ZBTB5: variants seen among roughly 807,000 people sequenced by gnomAD.
ZBTB5 encodes zinc finger and BTB domain containing 5.
ZBTB5 carries 15 observed loss-of-function variants against 37.9 expected under a neutral mutation model. The ratio of observed to expected loss-of-function variants is 0.40; its 90% CI spans 0.26 to 0.61. ZBTB5 has a LOEUF of 0.61. ZBTB5 is among the 20% of genes least tolerant of loss of function. ZBTB5 has a pLI of 0.47. For synonymous variants in ZBTB5, 315 were observed against 312.4 expected, an observed-to-expected ratio of 1.01 and a Z score of -0.09; for missense variants, 708 against 856.8, an observed-to-expected ratio of 0.83 and a Z score of 2.17.
chr9:37,465,041 C>T (rs1411971484), intron 1 of ZBTB5, among the ~76,000 whole-genome samples, 174 bp downstream of exon 1: 1 of 152,178 alleles, frequency 6.6e-6, no homozygotes, highest in Non-Finnish European at 1.5e-5. Flanking sequence ...AAGAACCCGC[C>T]TGGCCCCTTG....
At chr9:37,460,231 A>C (rs1340640159) in intron 1 of ZBTB5, among the ~76,000 whole-genome samples, 1 of 150,278 alleles carries the variant, frequency 6.7e-6, no homozygotes, top group African/African-American at 2.5e-5. Context: ...TGAGGTCGGA[A>C]GTTCGAAACT....
Position 37,440,392 on chromosome 9 carries a change from A to G in ZBTB5, c.*126T>C, listed in dbSNP as rs1823840489. 1.4e-6 allele frequency: 1 copy of G among 703,000 alleles called. No individual in the cohort carries two copies. The highest frequency in any genetic ancestry group is 2.9e-5 in the Admixed American group (1 of 35,018). 43.5% of individuals were successfully genotyped at this position (703,000 alleles called of 1,614,324 possible). On this transcript the variant is annotated 3_prime_UTR_variant, in exon 2 of 2. Coordinates refer to ENST00000307750, the MANE Select transcript of ZBTB5 (RefSeq NM_014872.3). ...AATACTACATGTTAGTTCTCCGGTT[A>G]TTAGTTGCTAAACTGTTTAAGAGCC...
At chr9:37,451,007 C>T (rs1042424584) in intron 1 of ZBTB5, among the ~76,000 whole-genome samples, 1 of 150,442 alleles carries the variant, frequency 6.6e-6, no homozygotes, top group Non-Finnish European at 1.5e-5. Context: ...GTGAGACCCC[C>T]GTCTCTACCA....
At chr9:37,446,659 A>C (rs1230324645) in intron 1 of ZBTB5, among the ~76,000 whole-genome samples, 7 of 152,224 alleles carry the variant, frequency 4.6e-5, no homozygotes, top group Admixed American at 1.3e-4. Flanking sequence ...TTCCGGCAGA[A>C]AGCAGAGAGC....
chr9:37,459,275 A>G (rs59012150), intron 1 of ZBTB5, among the ~76,000 whole-genome samples: 3,342 of 152,184 alleles, frequency 0.022, 123 homozygotes, highest in African/African-American at 0.073. Flanking sequence ...CCTGACCAAC[A>G]TGGAGAAAAG....
rs1378191152 is a variant in ZBTB5, at chr9:37,441,861, C to G, written c.691G>C (p.Glu231Gln). ...TTCAGAGAATCTGGTGAAAAGAACT[C>G]CTCCCGAGAATGAACCCCTGAAGGC... is the stretch of plus-strand genomic sequence containing the variant. ...NGPSGVHSRE[E>Q]FFSPDSLKIV... Residue 231 changes from glutamate (E) to glutamine (Q), a missense_variant, in exon 2 of 2, where the codon GAG becomes CAG. Glu to Gln is a conservative substitution (Grantham distance 29, BLOSUM62 2). Transcript: ENST00000307750. 1 of 1,614,176 alleles carries G rather than the reference C, an allele frequency of 6.2e-7. No homozygotes were observed. Among genetic ancestry groups the G allele is most frequent in the South Asian group, 1.1e-5 (1 of 91,076 alleles).
chr9:37,458,703 T>TC (rs1824235015), intron 1 of ZBTB5, among the ~76,000 whole-genome samples: 1 of 151,630 alleles, frequency 6.6e-6, no homozygotes, highest in African/African-American at 2.4e-5. Context: ...TGAAATGTGA[T>TC]TTTTTTACAT....
At chr9:37,458,721 T>G (rs1182757063) in intron 1 of ZBTB5, among the ~76,000 whole-genome samples, 1 of 152,220 alleles carries the variant, frequency 6.6e-6, no homozygotes, top group Non-Finnish European at 1.5e-5. Flanking sequence ...CATTGTATAA[T>G]AAATGAGTCA....
chr9:37,457,806 G>C (rs1252999054), intron 1 of ZBTB5, among the ~76,000 whole-genome samples: 1 of 152,178 alleles, frequency 6.6e-6, no homozygotes, highest in African/African-American at 2.4e-5. Flanking sequence ...GGTAAAGGTG[G>C]AGAAGGGGTT....
At chr9:37,455,862 T>TG in intron 1 of ZBTB5, among the ~76,000 whole-genome samples, 1 of 151,480 alleles carries the variant, frequency 6.6e-6, no homozygotes, top group Non-Finnish European at 1.5e-5. Flanking sequence ...TAAATACAGG[T>TG]GGGGTCTCAA....
intron 1 of ZBTB5, among the ~76,000 whole-genome samples, chr9:37,450,191 CTT>C (rs1377418249): frequency 2.6e-5 from 4 of 152,122 alleles, no homozygotes; most frequent in Admixed American, 2.6e-4. Context: ...TTTCCTTTCT[CTT>C]TGTTTCTTTC....
At chr9:37,443,087 T>G (rs993943309) in intron 1 of ZBTB5, among the ~76,000 whole-genome samples, 3 of 152,164 alleles carry the variant, frequency 2.0e-5, no homozygotes, top group Non-Finnish European at 4.4e-5. Flanking sequence ...TGGAGGCTCA[T>G]GCCTGTAATC....
chr9:37,452,372 T>A (rs1367385396), intron 1 of ZBTB5, among the ~76,000 whole-genome samples: 2 of 152,204 alleles, frequency 1.3e-5, no homozygotes, highest in Admixed American at 6.6e-5. Context: ...AATACTAGCA[T>A]CATTTTTGAT....
Position 37,439,591 on chromosome 9 carries a change from C to T in ZBTB5, c.*927G>A, listed in dbSNP as rs912052862. 7 of 152,172 alleles carry T rather than the reference C, an allele frequency of 4.6e-5. No homozygotes were observed. Among genetic ancestry groups the T allele is most frequent in the South Asian group, 2.1e-4 (1 of 4,830 alleles). 9.4% of individuals were successfully genotyped at this position (152,172 alleles called of 1,614,324 possible). On this transcript the variant is annotated 3_prime_UTR_variant, in exon 2 of 2. Coordinates refer to ENST00000307750, the MANE Select transcript of ZBTB5 (RefSeq NM_014872.3). ...AAGAAATGGAGAACAGGCTTGTCCT[C>T]GGGTAGGATGTGTCAGCCTAGACTG...
At chr9:37,459,692 T>A (rs1265278073) in intron 1 of ZBTB5, among the ~76,000 whole-genome samples, 2 of 146,388 alleles carry the variant, frequency 1.4e-5, no homozygotes, top group Non-Finnish European at 3.0e-5. Context: ...ATTACAGGCG[T>A]GCACCACCAT....
In ZBTB5 at chr9:37,447,807, CT is replaced by C. The variant is rs78707930; in HGVS notation, c.-4-5253del. 5.8e-3 allele frequency among the ~76,000 whole-genome samples: 809 copies of C among 138,882 alleles called. 3 individuals carry two copies. Among genetic ancestry groups the C allele is most frequent in the East Asian group, 0.017 (81 of 4,816 alleles). The allele number at this position is 138,882 out of a possible 152,430, so 91.1% of individuals were successfully genotyped here. A position where few individuals can be genotyped will look rare whatever the true frequency, so the allele number is the denominator to read the frequency against. ...GGCACTAATATTCTGCTCAATGCTT[CT>C]TTTTTTTTTTTTTTAGATAAGCAAA... On this transcript the variant is annotated intron_variant, in intron 1 of 1. Coordinates refer to ENST00000307750, the MANE Select transcript of ZBTB5 (RefSeq NM_014872.3).
intron 1 of ZBTB5, among the ~76,000 whole-genome samples, chr9:37,455,813 A>T (rs10973345): frequency 0.1 from 15,851 of 152,186 alleles, 1,389 homozygotes; most frequent in East Asian, 0.5. Context: ...AGCAGAACAA[A>T]GCAAGGACCC....
chr9:37,447,710 TAGGTG>T (rs1202525813), intron 1 of ZBTB5, among the ~76,000 whole-genome samples: 1 of 152,080 alleles, frequency 6.6e-6, no homozygotes, highest in Non-Finnish European at 1.5e-5. Context: ...CCTGAGTTAA[TAGGTG>T]AGGGGGGCCA....
chr9:37,461,377 A>G (rs1032272275), intron 1 of ZBTB5, among the ~76,000 whole-genome samples: 2 of 152,216 alleles, frequency 1.3e-5, no homozygotes, highest in African/African-American at 4.8e-5. Context: ...CCATGTCAAC[A>G]ATATCATGCA....
Sources: allele counts gnomAD v4.1 joint callset (sites outside exome capture counted in the v4.1 genomes callset), GRCh38; gene constraint gnomAD v4.1.1; transcripts MANE v1.5; gene names NCBI Gene and HGNC (gene_info 2026-07-23, HGNC 2026-07-21).